The following NLRP3 variants were observed in gnomAD, a reference collection of about 807,000 sequenced individuals.
NLRP3 encodes the protein NACHT, LRR and PYD domains-containing protein 3.
NLRP3 carries 48 observed loss-of-function variants against 91.3 expected under a neutral mutation model. The ratio of observed to expected loss-of-function variants is 0.53; its 90% CI spans 0.42 to 0.67. The LOEUF (loss-of-function observed/expected upper bound fraction) is 0.67, where lower values mean the gene tolerates loss of function less well. Ranked by LOEUF, NLRP3 falls within the 30% of genes least tolerant of loss-of-function variation. The pLI is 0.00. For missense variants in NLRP3, 982 were observed against 1,276.9 expected, an observed-to-expected ratio of 0.77 and a Z score of 3.52; for synonymous variants, 561 against 507.9, an observed-to-expected ratio of 1.10 and a Z score of -1.41.
intron 7 of NLRP3, among the ~76,000 whole-genome samples, chr1:247,442,415 C>T (rs764281454): frequency 6.6e-5 from 10 of 152,186 alleles, no homozygotes; most frequent in East Asian, 1.9e-4. Flanking sequence ...CTAGGAATTA[C>T]GCCACCAGTG....
rs145442949 is a variant in NLRP3, at chr1:247,441,701, T to C, written c.2664-2271T>C. 3.3e-5 allele frequency among the ~76,000 whole-genome samples: 5 copies of C among 152,304 alleles called. No individual in the cohort carries two copies. The East Asian group carries it at 7.7e-4, about 24-fold the overall frequency. On this transcript the variant is annotated intron_variant, in intron 7 of 9. Coordinates refer to ENST00000336119, the MANE Select transcript of NLRP3 (RefSeq NM_001243133.2). Reference sequence around the variant, plus strand: ...CAATCACATTCCTCTAATCCAAGGATTGGTTGGTGGGACATGGTTGTTTGA... The same window carrying C: ...CAATCACATTCCTCTAATCCAAGGACTGGTTGGTGGGACATGGTTGTTTGA...
At chr1:247,417,730 C>A (rs1286578650) in intron 1 of NLRP3, among the ~76,000 whole-genome samples, 2 of 152,142 alleles carry the variant, frequency 1.3e-5, no homozygotes, top group African/African-American at 4.8e-5. Context: ...AGGTGATCCG[C>A]CCACCTCGGC....
intron 8 of NLRP3, 122 bp downstream of exon 8, chr1:247,444,264 C>T: frequency 9.5e-7 from 1 of 1,055,390 alleles, no homozygotes; most frequent in Non-Finnish European, 1.5e-6. Context: ...TTAGTGTTTG[C>T]CTTGTTACAG....
Sources: gnomAD v4.1 joint callset for allele counts (sites outside exome capture counted in the v4.1 genomes callset) on GRCh38, gnomAD v4.1.1 for gene constraint, MANE v1.5 for transcripts, NCBI Gene and HGNC (gene_info 2026-07-23, HGNC 2026-07-21) for gene names.